The following HS3ST1 variants were observed in gnomAD, a reference collection of about 807,000 sequenced individuals.
HS3ST1 encodes the protein heparan sulfate glucosamine 3-O-sulfotransferase 1.
HS3ST1 carries 8 observed loss-of-function variants against 20.7 expected under a neutral mutation model. The ratio of observed to expected loss-of-function variants is 0.39; its 90% CI spans 0.23 to 0.70. HS3ST1 has a LOEUF of 0.70. HS3ST1 is among the 30% of genes least tolerant of loss of function. The pLI, the probability that HS3ST1 is intolerant of heterozygous loss-of-function variation, is 0.46. For missense variants in HS3ST1, 436 were observed against 423.4 expected (o/e 1.03, Z -0.26); for synonymous variants, 205 against 190.4 (o/e 1.08, Z -0.63).
Position 11,399,452 on chromosome 4 carries a change from T to A in HS3ST1, c.554A>T (p.Asn185Ile). The A allele has an allele frequency of 6.2e-7, 1 of 1,613,992 alleles. No individual in the cohort carries two copies. ...EEFLVRDGRLNVDYKALNRSL... is the reference protein window; with the variant it reads ...EEFLVRDGRLIVDYKALNRSL... ...GCGGTTGAGGGCCTTGTAGTCCACA[T>A]TGAGCCTGCCATCGCGCACCAGGAA... is the stretch of plus-strand genomic sequence containing the variant. Residue 185 changes from asparagine (N) to isoleucine (I), a missense_variant, in exon 2 of 2, where the codon AAT (asparagine) becomes ATT (isoleucine). Transcript: ENST00000002596. This position sits in a 1 kb window ranked among gnomAD's most constrained non-coding sequence, Gnocchi z 5.1.
intron 1 of HS3ST1, among the ~76,000 whole-genome samples, chr4:11,417,855 C>T (rs778271727): frequency 1.3e-5 from 2 of 152,196 alleles, no homozygotes; most frequent in Non-Finnish European, 2.9e-5. Flanking sequence ...CAGGATCAAT[C>T]TCCAATTGTA....
rs1718189318 is a variant in HS3ST1, at chr4:11,398,185, T to A, written c.*897A>T. ...TATATGTCTATAATGCCAATGTGTC[T>A]TTCAGGAAGTAAGCAGACTTTCAGA... On this transcript the variant is annotated 3_prime_UTR_variant, in exon 2 of 2. Transcript: ENST00000002596. 6.6e-6 allele frequency: 1 copy of A among 152,238 alleles called. No homozygotes were observed. Among genetic ancestry groups the A allele is most frequent in the African/African-American group, 2.4e-5 (1 of 41,454 alleles). 9.4% of individuals were successfully genotyped at this position (152,238 alleles called of 1,614,324 possible).
intron 1 of HS3ST1, among the ~76,000 whole-genome samples, chr4:11,417,595 C>T (rs1418133593): frequency 6.6e-6 from 1 of 152,126 alleles, no homozygotes; most frequent in Non-Finnish European, 1.5e-5. Context: ...TGCACTTAAA[C>T]ATTAATATTA....
intron 1 of HS3ST1, among the ~76,000 whole-genome samples, chr4:11,418,385 T>G (rs918763952): frequency 2.0e-5 from 3 of 152,220 alleles, no homozygotes; most frequent in Admixed American, 6.5e-5. Context: ...GCATACATTA[T>G]GAAATGTGAT....
intron 1 of HS3ST1, among the ~76,000 whole-genome samples, chr4:11,409,371 C>T (rs1718556625): frequency 6.6e-6 from 1 of 152,136 alleles, no homozygotes; most frequent in Non-Finnish European, 1.5e-5. Context: ...GAGACCCTAA[C>T]CCTCAGTGTG....
chr4:11,425,630 A>G (rs565645364), intron 1 of HS3ST1, among the ~76,000 whole-genome samples: 1 of 152,364 alleles, frequency 6.6e-6, no homozygotes, highest in East Asian at 1.9e-4. Context: ...TATGCAAACT[A>G]TGATTAAAAT....
intron 1 of HS3ST1, among the ~76,000 whole-genome samples, chr4:11,425,215 G>A (rs935673508): frequency 3.9e-4 from 59 of 152,282 alleles, no homozygotes; most frequent in Middle Eastern, 3.4e-3. Context: ...CTGGAGACAC[G>A]TTTGGAACAA....
rs552527245 is a variant in HS3ST1, at chr4:11,398,766, T to A, written c.*316A>T. ...ACAGCTATTTTGAGTTGGGGGCAAG[T>A]TAATTATATTCAAAAAAACATAGCG... On this transcript the variant is annotated 3_prime_UTR_variant, in exon 2 of 2. Transcript: ENST00000002596. The A allele has an allele frequency of 5.0e-6, 1 of 198,476 alleles. No homozygotes were observed. The highest frequency in any genetic ancestry group is 1.3e-4 in the East Asian group (1 of 7,966). The allele number at this position is 198,476 out of a possible 1,614,324, so 12.3% of individuals were successfully genotyped here.
chr4:11,432,887 C>T (rs183251470), upstream of HS3ST1, among the ~76,000 whole-genome samples: 280 of 152,334 alleles, frequency 1.8e-3, 2 homozygotes, highest in Admixed American at 4.8e-3. Context: ...CCCGTCCCAA[C>T]GCCCAATTTT....
At chr4:11,400,324 A>G (rs77982577) in intron 1 of HS3ST1, among the ~76,000 whole-genome samples, 3,133 of 152,274 alleles carry the variant, frequency 0.021, 108 homozygotes, top group African/African-American at 0.071. Context: ...TGCCAACTCC[A>G]ACTCCAACCG....
intron 1 of HS3ST1, among the ~76,000 whole-genome samples, chr4:11,425,526 T>C (rs1437857706): frequency 3.3e-5 from 5 of 152,192 alleles, no homozygotes; most frequent in Admixed American, 6.5e-5. Context: ...GCCCGGTGCT[T>C]GTAGCATTCA....
In HS3ST1 at chr4:11,414,321, A is replaced by G. The variant is rs79273896; in HGVS notation, c.-108-14208T>C. Among the ~76,000 whole-genome samples the G allele has an allele frequency of 6.2e-3, 900 of 144,482 alleles. 4 individuals carry two copies. Among genetic ancestry groups the G allele is most frequent in the African/African-American group, 0.021 (805 of 38,102 alleles). The allele number at this position is 144,482 out of a possible 152,430, so 94.8% of individuals were successfully genotyped here. A position where few individuals can be genotyped will look rare whatever the true frequency, so the allele number is the denominator to read the frequency against. On this transcript the variant is annotated intron_variant, in intron 1 of 1. Transcript: ENST00000002596. ...TCTTTGAGTGTGTGTGTGTGTGTAT[A>G]TATACATATACACGCGTGTGTGGTT...
At chr4:11,402,878 AG>A (rs1332087211) in intron 1 of HS3ST1, among the ~76,000 whole-genome samples, 1 of 152,246 alleles carries the variant, frequency 6.6e-6, no homozygotes, top group Non-Finnish European at 1.5e-5. Context: ...CAGACAGTAG[AG>A]AAGAAACTAA....
intron 1 of HS3ST1, among the ~76,000 whole-genome samples, chr4:11,409,554 C>G (rs986118541): frequency 1.3e-5 from 2 of 152,216 alleles, no homozygotes; most frequent in Admixed American, 1.3e-4. Context: ...AAACGTGGCC[C>G]TCTGCGAGCA....
In HS3ST1 at chr4:11,400,049, C is replaced by T; in HGVS notation, c.-44G>A. 6.9e-7 allele frequency: 1 copy of T among 1,443,220 alleles called. No homozygotes were observed. Among genetic ancestry groups the T allele is most frequent in the Non-Finnish European group, 9.1e-7 (1 of 1,102,114 alleles). The allele number at this position is 1,443,220 out of a possible 1,614,324, so 89.4% of individuals were successfully genotyped here. A position where few individuals can be genotyped will look rare whatever the true frequency, so the allele number is the denominator to read the frequency against. ...TTCACTGGGCCGCGCGCCGCTGGGT[C>T]ATGAAGTGCCGCAGCAGGGAAGCCT... On this transcript the variant is annotated 5_prime_UTR_variant, in exon 2 of 2. The change abolishes an upstream ATG in the 5' untranslated region. Coordinates refer to ENST00000002596, the MANE Select transcript of HS3ST1 (RefSeq NM_005114.4).
chr4:11,394,519 G>T lies in HS3ST1; in HGVS notation c.*4563C>A, dbSNP rs1210813236. 1 of 152,220 alleles carries T rather than the reference G, an allele frequency of 6.6e-6. No homozygotes were observed. Among genetic ancestry groups the T allele is most frequent in the African/African-American group, 2.4e-5 (1 of 41,438 alleles). 9.4% of individuals were successfully genotyped at this position (152,220 alleles called of 1,614,324 possible). A position where few individuals can be genotyped will look rare whatever the true frequency, so the allele number is the denominator to read the frequency against. On this transcript the variant is annotated 3_prime_UTR_variant, in exon 2 of 2. Coordinates refer to ENST00000002596, the MANE Select transcript of HS3ST1 (RefSeq NM_005114.4). ...CAGGCTCAGTCTTCCGAAATGAGCT[G>T]CTGCCGGTTAGGAGCATGTTTTATC...
upstream of HS3ST1, among the ~76,000 whole-genome samples, chr4:11,431,619 A>C (rs1719208068): frequency 6.6e-6 from 1 of 152,222 alleles, no homozygotes; most frequent in South Asian, 2.1e-4. Flanking sequence ...CTCCTAGCCT[A>C]CCTTTACAGA....
chr4:11,395,323 G>T lies in HS3ST1; in HGVS notation c.*3759C>A, dbSNP rs978061280. ...TCTGAGAAATGACATTCTGGAGAGG[G>T]TCTCTGATATTTTTCACCTTCTTTT... is the stretch of plus-strand genomic sequence containing the variant. On this transcript the variant is annotated 3_prime_UTR_variant, in exon 2 of 2. Coordinates refer to ENST00000002596, the MANE Select transcript of HS3ST1 (RefSeq NM_005114.4). The T allele has an allele frequency of 2.6e-5, 4 of 151,902 alleles. No homozygotes were observed. The highest frequency in any genetic ancestry group is 9.7e-5 in the African/African-American group (4 of 41,348). 9.4% of individuals were successfully genotyped at this position (151,902 alleles called of 1,614,324 possible). A position where few individuals can be genotyped will look rare whatever the true frequency, so the allele number is the denominator to read the frequency against.
At chr4:11,428,098 G>GA (rs11343014) in intron 1 of HS3ST1, among the ~76,000 whole-genome samples, 3 of 152,150 alleles carry the variant, frequency 2.0e-5, no homozygotes, top group African/African-American at 7.2e-5. Context: ...AAAGTAACAA[G>GA]AAAAAAATCA....
Sources: allele counts gnomAD v4.1 joint callset (sites outside exome capture counted in the v4.1 genomes callset), GRCh38; gene constraint gnomAD v4.1.1; non-coding constraint Gnocchi (gnomAD v3.1); transcripts MANE v1.5; gene names NCBI Gene and HGNC (gene_info 2026-07-23, HGNC 2026-07-21).